HMCN1: variants seen among roughly 807,000 people sequenced by gnomAD.
The protein encoded by HMCN1 is hemicentin-1.
A neutral mutation model predicts 625.9 loss-of-function variants in HMCN1; 321 were observed. The observed-to-expected ratio is 0.51, with a 90% CI of 0.47 to 0.56. The LOEUF (loss-of-function observed/expected upper bound fraction) is 0.56, where lower values mean the gene tolerates loss of function less well. Ranked by LOEUF, HMCN1 falls within the 20% of genes least tolerant of loss-of-function variation. The pLI is 0.00. For synonymous variants in HMCN1, 2,425 were observed against 2,417.6 expected (o/e 1.00, Z -0.09); for missense variants, 6,588 against 6,887.3 (o/e 0.96, Z 1.54).
At chr1:186,094,685 A>G (rs1571344554) in intron 67 of HMCN1, among the ~76,000 whole-genome samples, 2 of 152,162 alleles carry the variant, frequency 1.3e-5, no homozygotes, top group Non-Finnish European at 2.9e-5. Flanking sequence ...TTTTCTAACA[A>G]TATTAGCAGC....
chr1:185,789,224 G>T (rs977357448), intron 1 of HMCN1, among the ~76,000 whole-genome samples: 1 of 152,170 alleles, frequency 6.6e-6, no homozygotes, highest in Non-Finnish European at 1.5e-5. Flanking sequence ...TTGGGTGAAT[G>T]GATTTTCTGT....
At chr1:186,037,018 A>ATTTTTTCT (rs1655873675) in intron 36 of HMCN1, among the ~76,000 whole-genome samples, 1 of 151,598 alleles carries the variant, frequency 6.6e-6, no homozygotes, top group Non-Finnish European at 1.5e-5. Context: ...TATTTCTACT[A>ATTTTTTCT]TTTTTTCTTG....
At chr1:185,925,578 A>C (rs1667234894) in intron 9 of HMCN1, among the ~76,000 whole-genome samples, 1 of 152,208 alleles carries the variant, frequency 6.6e-6, no homozygotes, top group African/African-American at 2.4e-5. Context: ...TATTGGCTTC[A>C]TGGTAAAAGT....
At chr1:185,851,649 GCAA>G (rs1662169187) in intron 2 of HMCN1, among the ~76,000 whole-genome samples, 1 of 152,078 alleles carries the variant, frequency 6.6e-6, no homozygotes, top group African/African-American at 2.4e-5. Context: ...AATATGCAGT[GCAA>G]AGCCTTGCTT....
Position 186,095,311 on chromosome 1 carries a change from A to C in HMCN1, c.10363A>C (p.Met3455Leu), listed in dbSNP as rs766461506. ...ITVLKGSSTS[M>L]ACITDGTPAP... ...AGTTCTCAAAGGTAGTTCCACCTCT[A>C]TGGCATGCATTACTGATGGAACCCC... The change falls in exon 68 of 107, where the codon ATG (methionine) becomes CTG (leucine). Residue 3455 changes from methionine to leucine, a missense_variant. Transcript: ENST00000271588. 6.2e-6 allele frequency: 10 copies of C among 1,613,678 alleles called. No homozygotes were observed. The highest frequency in any genetic ancestry group is 8.5e-6 in the Non-Finnish European group (10 of 1,179,860).
intron 4 of HMCN1, among the ~76,000 whole-genome samples, chr1:185,876,016 C>T (rs967250474): frequency 8.6e-5 from 13 of 151,882 alleles, no homozygotes; most frequent in African/African-American, 3.1e-4. Flanking sequence ...ACCTAACACC[C>T]GAATAGTGAA....
chr1:185,843,503 G>C (rs573303251), intron 1 of HMCN1, among the ~76,000 whole-genome samples: 1 of 152,276 alleles, frequency 6.6e-6, no homozygotes, highest in African/African-American at 2.4e-5. Context: ...GTCATCAAAG[G>C]CTTGGCAGGG....
At chr1:186,039,501 A>T (rs1199860327) in intron 38 of HMCN1, among the ~76,000 whole-genome samples, 1 of 152,024 alleles carries the variant, frequency 6.6e-6, no homozygotes, top group East Asian at 1.9e-4. Context: ...AACTGGCAAA[A>T]CTTGTTTTTC....
In HMCN1 at chr1:186,189,977, C is replaced by T. The variant is rs1187326993; in HGVS notation, c.*99C>T. 2 of 1,399,652 alleles carry T rather than the reference C, an allele frequency of 1.4e-6. No homozygotes were observed. The highest frequency in any genetic ancestry group is 2.0e-6 in the Non-Finnish European group (2 of 998,048). The allele number at this position is 1,399,652 out of a possible 1,614,324, so 86.7% of individuals were successfully genotyped here. A position where few individuals can be genotyped will look rare whatever the true frequency, so the allele number is the denominator to read the frequency against. ...GTCTCTTGAACAGTTGCAATCTTGG[C>T]AGCTTGAAAATGGTGCTACACTCTG... On this transcript the variant is annotated 3_prime_UTR_variant, in exon 107 of 107. Coordinates refer to ENST00000271588, the MANE Select transcript of HMCN1 (RefSeq NM_031935.3).
intron 1 of HMCN1, among the ~76,000 whole-genome samples, chr1:185,793,684 T>C (rs902209490): frequency 6.6e-6 from 1 of 152,192 alleles, no homozygotes; most frequent in Non-Finnish European, 1.5e-5. Context: ...CAATAGACAA[T>C]TGATATCAAA....
At position 186,106,547 on chromosome 1, in the gene HMCN1, AC is replaced by A. The variant is rs370782302; in HGVS notation, c.10771-334del. Among the ~76,000 whole-genome samples, 453 of 152,252 alleles carry A rather than the reference AC, an allele frequency of 3.0e-3. 12 individuals are homozygous for A. In the South Asian group the frequency reaches 0.042, roughly 14 times the overall value. On this transcript the variant is annotated intron_variant, in intron 69 of 106. Transcript: ENST00000271588. ...TTTAACTTTTCAGTCTGCAATTTAA[AC>A]CCATGAATATTTGTTTCTTCAATGA...
In HMCN1 at chr1:186,136,721, A is replaced by G. The variant is rs1649628964; in HGVS notation, c.13366A>G (p.Lys4456Glu). The change falls in exon 87 of 107, where the codon AAA becomes GAA. Residue 4456 changes from lysine (K) to glutamate (E), a missense_variant. Around this residue, in one of 3 missense-constraint regions of HMCN1, gnomAD observed 1,954 missense variants for 2,013.1 expected, o/e 0.97. Transcript: ENST00000271588. Reference sequence around the variant, plus strand: ...GGAAACTGTTATTAATGCTGGTGGCAAAATCATATTGAATTGTCAGGCAAC... The same window carrying G: ...GGAAACTGTTATTAATGCTGGTGGCGAAATCATATTGAATTGTCAGGCAAC... Reference protein sequence around the residue: ...PVETVINAGGKIILNCQATGE... With the variant: ...PVETVINAGGEIILNCQATGE... The G allele has an allele frequency of 6.2e-7, 1 of 1,614,006 alleles. No homozygotes were observed. Among genetic ancestry groups the G allele is most frequent in the Non-Finnish European group, 8.5e-7 (1 of 1,179,906 alleles).
chr1:186,184,230 G>A (rs1367767780), intron 105 of HMCN1, among the ~76,000 whole-genome samples: 1 of 152,162 alleles, frequency 6.6e-6, no homozygotes, highest in Non-Finnish European at 1.5e-5. Flanking sequence ...AGACTTGAGA[G>A]AAAACAATTA....
chr1:185,857,627 C>T (rs1662553934), intron 2 of HMCN1, among the ~76,000 whole-genome samples: 1 of 152,048 alleles, frequency 6.6e-6, no homozygotes, highest in Admixed American at 6.5e-5. Flanking sequence ...GCTTTATACA[C>T]TTGTACTTTT....
At chr1:186,151,525 C>A in intron 94 of HMCN1, 81 bp from the exon 95 acceptor site, 2 of 1,415,016 alleles carry the variant, frequency 1.4e-6, no homozygotes, top group Non-Finnish European at 2.0e-6. Context: ...TAGAATTCAT[C>A]CTTGTGAATA....
chr1:186,030,741 A>T (rs757769080), intron 36 of HMCN1, among the ~76,000 whole-genome samples: 1 of 151,776 alleles, frequency 6.6e-6, no homozygotes, highest in Non-Finnish European at 1.5e-5. Flanking sequence ...AATATTTATT[A>T]TGTCATTTTT....
rs137903471 is a variant in HMCN1, at chr1:185,965,822, G to A, written c.2119G>A (p.Val707Ile). 1.2e-6 allele frequency: 2 copies of A among 1,610,468 alleles called. No homozygotes were observed. The highest frequency in any genetic ancestry group is 1.7e-6 in the Non-Finnish European group (2 of 1,176,890). ...TTCAGAAGCCCCTAAGTTGATGGTA[G>A]TTCAGAGTGAGCTCTTGGTTGCCCT... is the stretch of plus-strand genomic sequence containing the variant. The part of the protein sequence containing the change: ...RYIEAPKLMV[V>I]QSELLVALGD... The change falls in exon 14 of 107, where the codon GTT (valine) becomes ATT (isoleucine). Residue 707 changes from valine to isoleucine, a missense_variant. Physicochemically the swap from Val to Ile is conservative, Grantham distance 29. This residue lies in a region of HMCN1 where 4,628 missense variants were observed against 4,853.1 expected (regional missense o/e 0.95). Coordinates refer to ENST00000271588, the MANE Select transcript of HMCN1 (RefSeq NM_031935.3).
At chr1:186,162,112 C>A (rs528504261) in intron 97 of HMCN1, among the ~76,000 whole-genome samples, 1 of 152,194 alleles carries the variant, frequency 6.6e-6, no homozygotes, top group African/African-American at 2.4e-5. Context: ...AGGCTTTGTT[C>A]GTTTCTTTTT....
At chr1:186,138,291 C>T (rs1327252817) in intron 89 of HMCN1, among the ~76,000 whole-genome samples, 2 of 152,138 alleles carry the variant, frequency 1.3e-5, no homozygotes, top group Non-Finnish European at 2.9e-5. Flanking sequence ...CCATCCATTT[C>T]GAGGTGAGAA....
Sources: gnomAD v4.1 joint callset for allele counts (sites outside exome capture counted in the v4.1 genomes callset) on GRCh38, gnomAD v4.1.1 for gene constraint, gnomAD v4.1.1 regional missense constraint, MANE v1.5 for transcripts, NCBI Gene and HGNC (gene_info 2026-07-23, HGNC 2026-07-21) for gene names.